DNAJC2: variants seen among roughly 807,000 people sequenced by gnomAD.
DNAJC2 encodes dnaJ homolog subfamily C member 2.
A neutral mutation model predicts 94.0 loss-of-function variants in DNAJC2; 32 were observed. That is an observed-to-expected ratio of 0.34 (90% CI 0.26 to 0.46). The LOEUF (loss-of-function observed/expected upper bound fraction) is 0.46, where lower values mean the gene tolerates loss of function less well. Ranked by LOEUF, DNAJC2 falls within the 20% of genes least tolerant of loss-of-function variation. The pLI is 1.00. For synonymous variants in DNAJC2, 210 were observed against 229.7 expected (o/e 0.91, Z 0.77); for missense variants, 550 against 719.5 (o/e 0.76, Z 2.69).
At chr7:103,318,665 GTTGAA>G (rs1194403892) in intron 12 of DNAJC2, among the ~76,000 whole-genome samples, 1 of 152,244 alleles carries the variant, frequency 6.6e-6, no homozygotes, top group African/African-American at 2.4e-5. Context: ...ACTAATACTT[GTTGAA>G]TTGAATTGAA....
intron 6 of DNAJC2, among the ~76,000 whole-genome samples, 189 bp downstream of exon 6, chr7:103,324,293 C>A (rs1818582823): frequency 6.6e-6 from 1 of 152,138 alleles, no homozygotes; most frequent in African/African-American, 2.4e-5. Context: ...CTATCATGTG[C>A]TTGATATCTA....
chr7:103,324,426 T>A, intron 6 of DNAJC2, 56 bp downstream of exon 6: 1 of 1,383,170 alleles, frequency 7.2e-7, no homozygotes, highest in Non-Finnish European at 9.7e-7. Flanking sequence ...AAGTACTTAT[T>A]GAATACTTTT....
intron 3 of DNAJC2, chr7:103,336,834 T>G (rs1027047844): frequency 4.6e-5 from 7 of 152,252 alleles, no homozygotes; most frequent in African/African-American, 1.7e-4. Flanking sequence ...TTAAAAAATA[T>G]TTCCTGTGAT....
chr7:103,316,742 G>T, intron 13 of DNAJC2, 88 bp downstream of exon 13: 2 of 1,104,974 alleles, frequency 1.8e-6, no homozygotes, highest in Non-Finnish European at 2.6e-6. Context: ...GCAAGTTTCT[G>T]TGATAACAAG....
Position 103,323,571 on chromosome 7 carries a change from T to G in DNAJC2, c.719+27A>C, listed in dbSNP as rs764174802. On this transcript the variant is annotated intron_variant, in intron 7 of 16. Coordinates refer to ENST00000379263, the MANE Select transcript of DNAJC2 (RefSeq NM_014377.3). ...ATACCAGAGAACCAAATAAATACCT[T>G]CCATTATTAATGATTTGCATACATA... 1.3e-5 allele frequency: 19 copies of G among 1,435,644 alleles called. No individual in the cohort carries two copies. The East Asian group carries it at 4.7e-4, about 35-fold the overall frequency. The allele number at this position is 1,435,644 out of a possible 1,614,324, so 88.9% of individuals were successfully genotyped here. A position where few individuals can be genotyped will look rare whatever the true frequency, so the allele number is the denominator to read the frequency against.
Position 103,312,951 on chromosome 7 carries a change from T to C in DNAJC2, c.1787A>G (p.Tyr596Cys), listed in dbSNP as rs1367327480. The C allele has an allele frequency of 4.3e-6, 7 of 1,610,902 alleles. No homozygotes were observed. The highest frequency in any genetic ancestry group is 5.1e-6 in the Non-Finnish European group (6 of 1,179,226). Residue 596 changes from tyrosine (Y) to cysteine (C), a missense_variant, in exon 16 of 17, where the codon TAC becomes TGC. By Grantham distance (194) the Tyr-to-Cys change is radical. Around this residue, in one of 2 missense-constraint regions of DNAJC2, gnomAD observed 271 missense variants for 302.6 expected, o/e 0.90. Transcript: ENST00000379263. The stretch of plus-strand genomic sequence containing the variant: ...ATAAACGCTTAAGTCTGCAACCTTG[T>C]ATCGTTTCATGCAGTCCTTCTTTGT... ...GRTKKDCMKR[Y>C]KELVEMVKAK...
At chr7:103,313,343 C>T (rs1446325592) in intron 15 of DNAJC2, 1 of 1,199,378 alleles carries the variant, frequency 8.3e-7, no homozygotes. Flanking sequence ...TAAAGATCTA[C>T]CTTGTACTGT....
rs574826547 is a variant in DNAJC2, at chr7:103,333,007, A to G, written c.331+4729T>C. On this transcript the variant is annotated intron_variant, in intron 3 of 16. Transcript: ENST00000379263. ...TGTTCGGGATTTCAAATTTTTTTAG[A>G]TTTTGGAATATCTGCATTATACTTA... 2.5e-4 allele frequency among the ~76,000 whole-genome samples: 38 copies of G among 152,088 alleles called. No individual in the cohort carries two copies. The South Asian group carries it at 7.7e-3, about 31-fold the overall frequency.
At chr7:103,317,069 A>T (rs1343743128) in intron 12 of DNAJC2, 55 bp from the exon 13 acceptor site, 1 of 1,466,284 alleles carries the variant, frequency 6.8e-7, no homozygotes, top group Non-Finnish European at 9.4e-7. Context: ...GCTATTCTAC[A>T]CTCTCTTCCT....
At position 103,344,691 on chromosome 7, in the gene DNAJC2, T is replaced by TC; in HGVS notation, c.-70dup. On this transcript the variant is annotated 5_prime_UTR_variant, in exon 1 of 17. Coordinates refer to ENST00000379263, the MANE Select transcript of DNAJC2 (RefSeq NM_014377.3). ...CGGGCGGAGGGCGCTTAGGGTCCCCTCCAGCTCTACCTCTCACTCCGAGCC... is the reference window on the plus strand; with the variant it reads ...CGGGCGGAGGGCGCTTAGGGTCCCCTCCCAGCTCTACCTCTCACTCCGAGCC... The TC allele has an allele frequency of 6.5e-7, 1 of 1,527,274 alleles. No homozygotes were observed. Among genetic ancestry groups the TC allele is most frequent in the Non-Finnish European group, 9.0e-7 (1 of 1,116,306 alleles). 94.6% of individuals were successfully genotyped at this position (1,527,274 alleles called of 1,614,324 possible).
intron 3 of DNAJC2, chr7:103,329,446 GT>G (rs1818875822): frequency 6.6e-6 from 1 of 152,188 alleles, no homozygotes; most frequent in East Asian, 1.9e-4. Context: ...ATTTTTCCCC[GT>G]TTTGTTAACA....
intron 3 of DNAJC2, chr7:103,329,620 C>T (rs1818883718): frequency 6.6e-6 from 1 of 152,036 alleles, no homozygotes; most frequent in African/African-American, 2.4e-5. Context: ...AGTATCTAAA[C>T]TTCTCATTTT....
chr7:103,322,141 T>G (rs1260723217), intron 9 of DNAJC2, 60 bp from the exon 10 acceptor site: 1 of 1,277,532 alleles, frequency 7.8e-7, no homozygotes, highest in Non-Finnish European at 1.0e-6. Flanking sequence ...AAATGTTTTA[T>G]AATTTTAAAA....
chr7:103,340,899 G>C (rs966563973), intron 2 of DNAJC2, among the ~76,000 whole-genome samples: 1 of 152,118 alleles, frequency 6.6e-6, no homozygotes, highest in Non-Finnish European at 1.5e-5. Flanking sequence ...TCTTCACATA[G>C]TCAAACTTGG....
chr7:103,335,489 G>A (rs1450860576), intron 3 of DNAJC2: 1 of 151,046 alleles, frequency 6.6e-6, no homozygotes, highest in East Asian at 1.9e-4. Flanking sequence ...CAAAATTTTT[G>A]GCTAGAGAAT....
intron 16 of DNAJC2, 44 bp from the exon 17 acceptor site, chr7:103,312,687 AACAG>A (rs749143672): frequency 2.5e-6 from 4 of 1,604,308 alleles, no homozygotes; most frequent in Non-Finnish European, 3.4e-6. Context: ...GCGATTTAAA[AACAG>A]ACATTTTAAT....
intron 2 of DNAJC2, among the ~76,000 whole-genome samples, chr7:103,341,394 G>C (rs75161499): frequency 6.6e-6 from 1 of 152,094 alleles, no homozygotes; most frequent in Non-Finnish European, 1.5e-5. Flanking sequence ...TCACCATACC[G>C]CATGTACCCT....
chr7:103,327,734 GTT>G lies in DNAJC2; in HGVS notation c.350_351del (p.Lys117ThrfsTer11). 6.2e-7 allele frequency: 1 copy of G among 1,612,728 alleles called. No individual in the cohort carries two copies. The highest frequency in any genetic ancestry group is 1.3e-5 in the African/African-American group (1 of 74,966). On this transcript the variant is annotated frameshift_variant, in exon 4 of 17. Coordinates refer to ENST00000379263, the MANE Select transcript of DNAJC2 (RefSeq NM_014377.3). LOFTEE classifies it high-confidence loss of function. ...GCTGCTTTCCGTTTGTCTGGGTGAT[GTT>G]TTAAAACCATTGCTTTATCTACAAA... is the stretch of plus-strand genomic sequence containing the variant. ...IKAAHKAMVLKHHPDKRKAAG... is the reference protein window; with the variant it reads ...IKAAHKAMVLXHHPDKRKAAG...
intron 10 of DNAJC2, chr7:103,320,890 TAAAGA>T (rs1818369306): frequency 6.2e-6 from 1 of 161,116 alleles, no homozygotes; most frequent in Admixed American, 6.7e-5. Context: ...ATTTGCATAG[TAAAGA>T]AAAGAAATAC....
Sources: gnomAD v4.1 joint callset for allele counts (sites outside exome capture counted in the v4.1 genomes callset) on GRCh38, gnomAD v4.1.1 for gene constraint, gnomAD v4.1.1 regional missense constraint, MANE v1.5 for transcripts, NCBI Gene and HGNC (gene_info 2026-07-23, HGNC 2026-07-21) for gene names.